Variants in WIPI2 observed in about 807,000 individuals in gnomAD.
WIPI2 encodes WD repeat domain phosphoinositide-interacting protein 2.
WIPI2 carries 28 observed loss-of-function variants against 52.3 expected under a neutral mutation model. That is an observed-to-expected ratio of 0.54 (90% CI 0.40 to 0.73). WIPI2 has a LOEUF of 0.73. Ranked by LOEUF, WIPI2 falls within the 30% of genes least tolerant of loss-of-function variation. WIPI2 has a pLI of 0.00. For missense variants in WIPI2, 506 were observed against 602.9 expected (o/e 0.84, Z 1.68); for synonymous variants, 268 against 245.0 (o/e 1.09, Z -0.88).
chr7:5,228,245 C>T (rs1217514033), intron 11 of WIPI2, 34 bp downstream of exon 11: 3 of 1,579,190 alleles, frequency 1.9e-6, no homozygotes, highest in Non-Finnish European at 1.7e-6. Flanking sequence ...CGGAGCTGCT[C>T]CGTGCTGGCG....
At chr7:5,200,534 G>C (rs563691015) in intron 3 of WIPI2, among the ~76,000 whole-genome samples, 2 of 147,720 alleles carry the variant, frequency 1.4e-5, no homozygotes, top group Admixed American at 7.0e-5. Context: ...TTGTGTGTGC[G>C]TAGGTTCTGT....
At chr7:5,225,793 T>C in intron 8 of WIPI2, 30 bp from the exon 9 acceptor site, 2 of 1,566,332 alleles carry the variant, frequency 1.3e-6, no homozygotes, top group East Asian at 4.5e-5. Flanking sequence ...CTGGCTCCGG[T>C]GGCCCGCCCC....
intron 2 of WIPI2, among the ~76,000 whole-genome samples, chr7:5,197,618 T>C (rs1781814894): frequency 6.6e-6 from 1 of 152,242 alleles, no homozygotes; most frequent in African/African-American, 2.4e-5. Flanking sequence ...AATGTGATTT[T>C]ACAGATTAAT....
intron 6 of WIPI2, chr7:5,217,566 G>A: frequency 2.5e-6 from 1 of 401,850 alleles, no homozygotes; most frequent in Non-Finnish European, 4.7e-6. Context: ...TAAAGTGCTG[G>A]GACTACAGGC....
At chr7:5,226,017 G>A (rs190773549) in intron 9 of WIPI2, 87 bp downstream of exon 9, 12 of 1,307,082 alleles carry the variant, frequency 9.2e-6, no homozygotes, top group South Asian at 5.3e-5. Context: ...GCACGGACCC[G>A]CCCACCCTCT....
In WIPI2 at chr7:5,199,634, A is replaced by G. The variant is rs772961698; in HGVS notation, c.187A>G (p.Lys63Glu). 6.2e-7 allele frequency: 1 copy of G among 1,612,908 alleles called. No individual in the cohort carries two copies. Among genetic ancestry groups the G allele is most frequent in the East Asian group, 2.2e-5 (1 of 44,858 alleles). ...ATTTTTCTCCCTTTCTTCTGTGGAT[A>G]AGCTGGAACAGATCTATGAATGCAG... ...YKFFSLSSVD[K>E]LEQIYECTDT... Residue 63 changes from lysine (K) to glutamate (E), a missense_variant, in exon 3 of 13, where the codon AAG becomes GAG. By Grantham distance (56) the Lys-to-Glu change is moderately conservative. Around this residue, in one of 4 missense-constraint regions of WIPI2, gnomAD observed 60 missense variants for 49.7 expected, o/e 1.21. Transcript: ENST00000288828.
At chr7:5,224,457 G>T (rs891134701) in intron 8 of WIPI2, among the ~76,000 whole-genome samples, 1 of 152,262 alleles carries the variant, frequency 6.6e-6, no homozygotes, top group Non-Finnish European at 1.5e-5. Flanking sequence ...GATTCATCAA[G>T]ATGGGAATTG....
At position 5,230,790 on chromosome 7, in the gene WIPI2, G is replaced by A. The variant is rs754276324; in HGVS notation, c.1253-45G>A. On this transcript the variant is annotated intron_variant, in intron 12 of 12. Coordinates refer to ENST00000288828, the MANE Select transcript of WIPI2 (RefSeq NM_015610.4). The surrounding 1 kb of genome is among the most constrained non-coding windows in gnomAD (Gnocchi z 4.8). ...CTCAGTGTGTGTCATGGGGTCTGTG[G>A]TGTGTCCCCAGCCTTTGAAGGGTGA... The A allele has an allele frequency of 6.7e-7, 1 of 1,498,178 alleles. No homozygotes were observed. Among genetic ancestry groups the A allele is most frequent in the Non-Finnish European group, 9.2e-7 (1 of 1,084,642 alleles). The allele number at this position is 1,498,178 out of a possible 1,614,324, so 92.8% of individuals were successfully genotyped here. A position where few individuals can be genotyped will look rare whatever the true frequency, so the allele number is the denominator to read the frequency against.
chr7:5,226,191 A>G (rs1218049501), intron 9 of WIPI2: 17 of 442,212 alleles, frequency 3.8e-5, no homozygotes, highest in Non-Finnish European at 5.8e-5. Context: ...CCAGGTGGAC[A>G]TCCTTTTGTC....
chr7:5,205,836 C>T (rs1782267095), intron 3 of WIPI2, among the ~76,000 whole-genome samples: 1 of 150,488 alleles, frequency 6.6e-6, no homozygotes, highest in Non-Finnish European at 1.5e-5. Context: ...TCAACTCAAA[C>T]TGAGTTCTTT....
intron 3 of WIPI2, 60 bp from the exon 4 acceptor site, chr7:5,214,475 C>G (rs375778462): frequency 6.6e-5 from 107 of 1,613,898 alleles, no homozygotes; most frequent in Middle Eastern, 5.0e-4. Flanking sequence ...AGCGCAGATT[C>G]TGCCTGTGGC....
intron 1 of WIPI2, among the ~76,000 whole-genome samples, chr7:5,191,986 G>A (rs566678904): frequency 6.6e-6 from 1 of 152,180 alleles, no homozygotes; most frequent in Non-Finnish European, 1.5e-5. Context: ...GTTAATAGTG[G>A]AGCGGGGGCA....
intron 3 of WIPI2, among the ~76,000 whole-genome samples, chr7:5,201,145 A>C (rs1316974832): frequency 6.6e-6 from 1 of 152,196 alleles, no homozygotes; most frequent in Non-Finnish European, 1.5e-5. Context: ...ATTGCTCCCC[A>C]CAGTGGTTTC....
chr7:5,195,342 G>A (rs576021150), intron 2 of WIPI2, among the ~76,000 whole-genome samples: 13 of 152,126 alleles, frequency 8.5e-5, no homozygotes, highest in South Asian at 2.1e-4. Context: ...AAAATTAGCC[G>A]GGTGTGGTGG....
At chr7:5,229,993 C>T (rs1208617978) in intron 12 of WIPI2, among the ~76,000 whole-genome samples, 1 of 146,782 alleles carries the variant, frequency 6.8e-6, no homozygotes, top group African/African-American at 2.5e-5. Context: ...TGGTCTCAAA[C>T]TCCTCCTGGG....
At chr7:5,229,849 G>T in intron 12 of WIPI2, 111 bp downstream of exon 12, 9 of 1,475,286 alleles carry the variant, frequency 6.1e-6, no homozygotes, top group Non-Finnish European at 8.2e-6. Context: ...GAAAGATGGG[G>T]ACTGGTTCTG....
intron 2 of WIPI2, among the ~76,000 whole-genome samples, chr7:5,197,984 T>C (rs931577535): frequency 6.6e-6 from 1 of 152,226 alleles, no homozygotes; most frequent in African/African-American, 2.4e-5. Flanking sequence ...AGGAAACCCC[T>C]TCTGTGGTGT....
intron 2 of WIPI2, among the ~76,000 whole-genome samples, chr7:5,195,526 TTAAAAA>T (rs1219520311): frequency 2.0e-5 from 3 of 152,208 alleles, no homozygotes; most frequent in African/African-American, 7.2e-5. Context: ...CTCTGTTGAC[TTAAAAA>T]TAAATAAATA....
chr7:5,217,214 C>G (rs751957505), intron 6 of WIPI2, 27 bp downstream of exon 6: 1 of 1,611,602 alleles, frequency 6.2e-7, no homozygotes, highest in Non-Finnish European at 8.5e-7. Context: ...GCTCGAATAG[C>G]TCTCTAAAGT....
Sources: allele counts gnomAD v4.1 joint callset (sites outside exome capture counted in the v4.1 genomes callset), GRCh38; gene constraint gnomAD v4.1.1; regional missense constraint gnomAD v4.1.1; non-coding constraint Gnocchi (gnomAD v3.1); transcripts MANE v1.5; gene names NCBI Gene and HGNC (gene_info 2026-07-23, HGNC 2026-07-21).